RSRC2: variants seen among roughly 807,000 people sequenced by gnomAD.
The protein encoded by RSRC2 is arginine/serine-rich coiled-coil protein 2.
A neutral mutation model predicts 61.3 loss-of-function variants in RSRC2; 5 were observed. That is an observed-to-expected ratio of 0.08 (90% CI 0.04 to 0.17). RSRC2 has a LOEUF of 0.17. Among genes scored for constraint, RSRC2 ranks in the 10% least tolerant of loss-of-function variants. RSRC2 has a pLI of 1.00. For missense variants in RSRC2, 381 were observed against 518.8 expected, an observed-to-expected ratio of 0.73 and a Z score of 2.58; for synonymous variants, 202 against 166.5, an observed-to-expected ratio of 1.21 and a Z score of -1.64.
At chr12:122,517,936 G>T (rs1251804786) in intron 4 of RSRC2, among the ~76,000 whole-genome samples, 1 of 152,076 alleles carries the variant, frequency 6.6e-6, no homozygotes, top group Non-Finnish European at 1.5e-5. Flanking sequence ...GATGCAAAAG[G>T]ACTGTTTATC....
intron 4 of RSRC2, 34 bp from the exon 5 acceptor site, chr12:122,517,464 A>G: frequency 6.2e-7 from 1 of 1,613,150 alleles, no homozygotes; most frequent in East Asian, 2.2e-5. Context: ...GTAATTACTT[A>G]AAAGTTGTGT....
intron 6 of RSRC2, among the ~76,000 whole-genome samples, chr12:122,514,289 G>A (rs1593386802): frequency 7.6e-6 from 1 of 132,188 alleles, no homozygotes. Flanking sequence ...TTTTGAGACT[G>A]AGTCTCGCTC....
intron 7 of RSRC2, 115 bp from the exon 8 acceptor site, chr12:122,508,562 T>G: frequency 1.3e-6 from 1 of 786,144 alleles, no homozygotes; most frequent in South Asian, 1.8e-5. Context: ...GGCAGGATTT[T>G]CACCAAATCC....
intron 6 of RSRC2, among the ~76,000 whole-genome samples, chr12:122,513,540 C>CAGA (rs1208491089): frequency 6.6e-6 from 1 of 152,164 alleles, no homozygotes; most frequent in African/African-American, 2.4e-5. Flanking sequence ...AAAACACAAA[C>CAGA]AGAATAGACT....
At position 122,522,237 on chromosome 12, in the gene RSRC2, TTTC is replaced by T. The variant is rs1959317023; in HGVS notation, c.66_68del (p.Lys24del). On this transcript the variant is annotated inframe_deletion, in exon 2 of 10. Coordinates refer to ENST00000331738, the MANE Select transcript of RSRC2 (RefSeq NM_023012.6). ...AAACAGATACTTCTGACTGCTCTTTTTTCTTATCTCTATCTGGTGATGTCTTTT... is the reference window on the plus strand; with the variant it reads ...AAACAGATACTTCTGACTGCTCTTTTTTATCTCTATCTGGTGATGTCTTTT... 1 of 1,614,002 alleles carries T rather than the reference TTTC, an allele frequency of 6.2e-7. No individual in the cohort carries two copies. The highest frequency in any genetic ancestry group is 8.5e-7 in the Non-Finnish European group (1 of 1,180,012).
At chr12:122,523,999 C>T (rs546055917) in intron 1 of RSRC2, among the ~76,000 whole-genome samples, 1 of 152,308 alleles carries the variant, frequency 6.6e-6, no homozygotes, top group South Asian at 2.1e-4. Flanking sequence ...CAGGGAGGCT[C>T]TCATGCCAGC....
intron 7 of RSRC2, among the ~76,000 whole-genome samples, chr12:122,510,808 A>G (rs558744932): frequency 6.6e-6 from 1 of 152,184 alleles, no homozygotes; most frequent in Non-Finnish European, 1.5e-5. Context: ...GCACTTTGGG[A>G]GGCTGGGGCA....
At chr12:122,526,469 C>G (rs1960444480) in intron 1 of RSRC2, among the ~76,000 whole-genome samples, 2 of 152,130 alleles carry the variant, frequency 1.3e-5, no homozygotes, top group Non-Finnish European at 2.9e-5. Context: ...AGAGACCACT[C>G]CTGATCGTCT....
chr12:122,507,820 G>A (rs1958220572), intron 8 of RSRC2: 1 of 203,572 alleles, frequency 4.9e-6, no homozygotes, highest in South Asian at 7.6e-5. Context: ...CAAGTAGCTG[G>A]GATTACAGGT....
chr12:122,525,244 T>C (rs1593434109), intron 1 of RSRC2, among the ~76,000 whole-genome samples: 2 of 151,728 alleles, frequency 1.3e-5, no homozygotes, highest in African/African-American at 2.4e-5. Flanking sequence ...GGTGTGGTGG[T>C]GGGCGCCTGT....
intron 9 of RSRC2, among the ~76,000 whole-genome samples, chr12:122,506,150 C>T (rs1325392431): frequency 6.6e-6 from 1 of 152,008 alleles, no homozygotes; most frequent in African/African-American, 2.4e-5. Context: ...CTTTGGGAGG[C>T]TGAGACGGGT....
intron 1 of RSRC2, chr12:122,526,176 GC>G (rs1388701816): frequency 3.3e-5 from 5 of 152,214 alleles, no homozygotes; most frequent in Non-Finnish European, 7.3e-5. Flanking sequence ...TAACTGTAAC[GC>G]TTCTCGGACT....
chr12:122,520,739 C>G, intron 3 of RSRC2: 1 of 383,796 alleles, frequency 2.6e-6, no homozygotes, highest in Non-Finnish European at 5.0e-6. Context: ...ACCCAGCCCC[C>G]ACAAGACTCT....
At chr12:122,518,718 A>C (rs1293115928) in intron 4 of RSRC2, 121 bp downstream of exon 4, 1 of 828,736 alleles carries the variant, frequency 1.2e-6, no homozygotes, top group African/African-American at 1.7e-5. Context: ...ACAAAACCAC[A>C]AACCCAAACA....
At chr12:122,509,922 T>C (rs1958373338) in intron 7 of RSRC2, among the ~76,000 whole-genome samples, 1 of 152,084 alleles carries the variant, frequency 6.6e-6, no homozygotes, top group African/African-American at 2.4e-5. Context: ...CACTGCAACC[T>C]CTACCTCCCG....
intron 1 of RSRC2, chr12:122,523,895 G>A (rs1420425647): frequency 6.6e-6 from 1 of 152,058 alleles, no homozygotes; most frequent in African/African-American, 2.4e-5. Context: ...ATTAAAAACA[G>A]AAAGGTTTTG....
intron 6 of RSRC2, among the ~76,000 whole-genome samples, chr12:122,513,545 T>C (rs1266553564): frequency 6.6e-6 from 1 of 152,134 alleles, no homozygotes; most frequent in Non-Finnish European, 1.5e-5. Context: ...ACAAACAGAA[T>C]AGACTTATGG....
At position 122,506,896 on chromosome 12, in the gene RSRC2, C is replaced by G; in HGVS notation, c.1063G>C (p.Glu355Gln). The change falls in exon 9 of 10, where the codon GAA (glutamate) becomes CAA (glutamine). Residue 355 changes from glutamate (E) to glutamine (Q), a missense_variant. Around this residue, in one of 4 missense-constraint regions of RSRC2, gnomAD observed 78 missense variants for 183.0 expected, o/e 0.43. Transcript: ENST00000331738. ...GDKSQSAEIW[E>Q]KLNFGNKDQN... Reference sequence around the variant, plus strand: ...TCCTTGTTTCCAAAATTCAATTTTTCCCATATTTCAGCAGATTGGGATTTG... The same window carrying G: ...TCCTTGTTTCCAAAATTCAATTTTTGCCATATTTCAGCAGATTGGGATTTG... 1 of 1,608,670 alleles carries G rather than the reference C, an allele frequency of 6.2e-7. No homozygotes were observed. The highest frequency in any genetic ancestry group is 8.5e-7 in the Non-Finnish European group (1 of 1,175,312).
chr12:122,526,716 G>A (rs1176730487), intron 1 of RSRC2, 132 bp downstream of exon 1: 1 of 1,006,302 alleles, frequency 9.9e-7, no homozygotes, highest in Non-Finnish European at 1.6e-6. Flanking sequence ...CCATGATGGC[G>A]GGCGCAGAAG....
Sources: gnomAD v4.1 joint callset for allele counts (sites outside exome capture counted in the v4.1 genomes callset) on GRCh38, gnomAD v4.1.1 for gene constraint, gnomAD v4.1.1 regional missense constraint, MANE v1.5 for transcripts, NCBI Gene and HGNC (gene_info 2026-07-23, HGNC 2026-07-21) for gene names.